Variants in ROBO1 observed in about 807,000 individuals in gnomAD.
ROBO1 encodes roundabout guidance receptor 1, also known as roundabout homolog 1.
ROBO1 carries 149 observed loss-of-function variants against 195.9 expected under a neutral mutation model. The ratio of observed to expected loss-of-function variants is 0.76; its 90% CI spans 0.67 to 0.87. The LOEUF (loss-of-function observed/expected upper bound fraction) is 0.87, where lower values mean the gene tolerates loss of function less well. Ranked by LOEUF, ROBO1 falls within the 40% of genes least tolerant of loss-of-function variation. The probability of loss-of-function intolerance (pLI) is 0.00; values close to 1 mark genes in which losing one functional copy is unlikely to be tolerated. For synonymous variants in ROBO1, 816 were observed against 733.2 expected (o/e 1.11, Z -1.82); for missense variants, 1,933 against 2,068.3 (o/e 0.93, Z 1.27).
At chr3:79,292,238 C>A (rs2032294599) in intron 2 of ROBO1, among the ~76,000 whole-genome samples, 1 of 152,148 alleles carries the variant, frequency 6.6e-6, no homozygotes, top group Non-Finnish European at 1.5e-5. Context: ...TAACCTGAGA[C>A]TTTGCTGAAG....
intron 1 of ROBO1, among the ~76,000 whole-genome samples, chr3:79,605,303 C>T (rs6788769): frequency 0.2 from 29,763 of 150,296 alleles, 3,519 homozygotes; most frequent in African/African-American, 0.33. Flanking sequence ...GTCTGTAAAG[C>T]GGCAGTCCTG....
At chr3:79,304,895 G>T (rs1382809920) in intron 2 of ROBO1, among the ~76,000 whole-genome samples, 1 of 152,202 alleles carries the variant, frequency 6.6e-6, no homozygotes, top group Non-Finnish European at 1.5e-5. Context: ...GAAATGGAAT[G>T]ACTGGCTCAT....
intron 2 of ROBO1, among the ~76,000 whole-genome samples, chr3:79,311,193 A>G (rs963886613): frequency 2.6e-5 from 4 of 152,156 alleles, no homozygotes; most frequent in African/African-American, 9.7e-5. Flanking sequence ...GCTGAGGGAT[A>G]TCAGATTTAC....
intron 2 of ROBO1, among the ~76,000 whole-genome samples, chr3:79,354,382 G>A (rs1434730931): frequency 1.3e-5 from 2 of 152,140 alleles, no homozygotes; most frequent in East Asian, 1.9e-4. Flanking sequence ...ACTTCCTCCT[G>A]ATTCTTCTGC....
intron 3 of ROBO1, among the ~76,000 whole-genome samples, chr3:79,098,742 T>C (rs1334124349): frequency 7.9e-5 from 12 of 151,882 alleles, no homozygotes; most frequent in Admixed American, 2.6e-4. Flanking sequence ...CCTTTCTCTT[T>C]AGAAGGCCAT....
intron 2 of ROBO1, among the ~76,000 whole-genome samples, chr3:79,474,397 T>C (rs1938439756): frequency 6.6e-6 from 1 of 152,166 alleles, no homozygotes; most frequent in African/African-American, 2.4e-5. Flanking sequence ...TTCTCTGGAA[T>C]TGGACAAGTC....
intron 2 of ROBO1, among the ~76,000 whole-genome samples, chr3:79,333,180 T>C (rs1306143069): frequency 1.3e-5 from 2 of 150,848 alleles, no homozygotes; most frequent in Non-Finnish European, 2.9e-5. Flanking sequence ...GCACTCCAAC[T>C]TGGGTGACAG....
intron 2 of ROBO1, among the ~76,000 whole-genome samples, chr3:79,523,472 C>CTTTTTTTTTTTTTTTTTTTTTT (rs11357932): frequency 1.0e-5 from 1 of 100,438 alleles, no homozygotes; most frequent in Non-Finnish European, 1.9e-5. Context: ...TTTTTTTTTT[C>CTTTTTTTTTTTTTTTTTTTTTT]TTTTTTTTTT....
At chr3:79,651,394 A>T (rs1946002373) in intron 1 of ROBO1, among the ~76,000 whole-genome samples, 1 of 152,176 alleles carries the variant, frequency 6.6e-6, no homozygotes, top group East Asian at 1.9e-4. Context: ...GTACTTCCAA[A>T]TATTAAAAGA....
intron 2 of ROBO1, among the ~76,000 whole-genome samples, chr3:79,421,480 TGA>T (rs2038221971): frequency 6.6e-6 from 1 of 151,534 alleles, no homozygotes; most frequent in Non-Finnish European, 1.5e-5. Context: ...TAGTGCAGGG[TGA>T]GAGGCCGTGT....
chr3:78,952,864 A>G (rs2040860795), intron 3 of ROBO1, among the ~76,000 whole-genome samples: 1 of 152,038 alleles, frequency 6.6e-6, no homozygotes, highest in African/African-American at 2.4e-5. Context: ...AGCAAACACT[A>G]TTTAGAGGAA....
intron 2 of ROBO1, among the ~76,000 whole-genome samples, chr3:79,237,562 C>A (rs1172915820): frequency 6.6e-6 from 1 of 151,900 alleles, no homozygotes; most frequent in African/African-American, 2.4e-5. Flanking sequence ...TCAAAATACT[C>A]ATGGGTAAAG....
rs79129513 is a variant in ROBO1, at chr3:78,648,955, A to C, written c.2813-1300T>G. On this transcript the variant is annotated intron_variant, in intron 19 of 30. Coordinates refer to ENST00000464233, the MANE Select transcript of ROBO1 (RefSeq NM_002941.4). ...ATCTCTGAGCATACTAGAAAGAAGA[A>C]AAGCAAAAACCTCAGTGCTGTGTCC... is the stretch of plus-strand genomic sequence containing the variant. Among the ~76,000 whole-genome samples the C allele has an allele frequency of 6.7e-4, 102 of 152,216 alleles. No individual in the cohort carries two copies. In the East Asian group the frequency reaches 0.018, roughly 26 times the overall value.
intron 1 of ROBO1, among the ~76,000 whole-genome samples, chr3:79,746,209 A>G (rs539939854): frequency 6.6e-6 from 1 of 152,228 alleles, no homozygotes; most frequent in South Asian, 2.1e-4. Flanking sequence ...ATGAAATGGT[A>G]CATTTCTGTG....
intron 5 of ROBO1, among the ~76,000 whole-genome samples, chr3:78,745,976 C>T (rs950308407): frequency 2.0e-5 from 3 of 152,070 alleles, no homozygotes; most frequent in Non-Finnish European, 2.9e-5. Flanking sequence ...TCTTGACCAG[C>T]GAATTCACAA....
At chr3:79,531,850 A>C (rs1476341651) in intron 2 of ROBO1, among the ~76,000 whole-genome samples, 1 of 100,316 alleles carries the variant, frequency 1.0e-5, no homozygotes, top group Non-Finnish European at 2.3e-5. Context: ...AGTCCGAATC[A>C]TAGTATGAAT....
intron 2 of ROBO1, among the ~76,000 whole-genome samples, chr3:79,430,442 A>T (rs914615116): frequency 2.0e-5 from 3 of 152,142 alleles, no homozygotes; most frequent in Middle Eastern, 3.2e-3. Flanking sequence ...ACTTAAATTG[A>T]TTTCATTTTT....
chr3:79,192,042 A>G (rs1302724885), intron 2 of ROBO1, among the ~76,000 whole-genome samples: 1 of 151,596 alleles, frequency 6.6e-6, no homozygotes, highest in African/African-American at 2.4e-5. Context: ...TAGTTATTTA[A>G]AATTTATCTT....
chr3:79,493,520 T>C (rs1456677247), intron 2 of ROBO1, among the ~76,000 whole-genome samples: 1 of 152,044 alleles, frequency 6.6e-6, no homozygotes, highest in Non-Finnish European at 1.5e-5. Flanking sequence ...TACATTGGAA[T>C]GGACATTGAC....
Sources: allele counts gnomAD v4.1 joint callset (sites outside exome capture counted in the v4.1 genomes callset), GRCh38; gene constraint gnomAD v4.1.1; transcripts MANE v1.5; gene names NCBI Gene and HGNC (gene_info 2026-07-23, HGNC 2026-07-21).